PSD2: variants seen among roughly 807,000 people sequenced by gnomAD.
PSD2 encodes the protein PH and SEC7 domain-containing protein 2.
A neutral mutation model predicts 69.8 loss-of-function variants in PSD2; 38 were observed. The ratio of observed to expected loss-of-function variants is 0.54; its 90% confidence interval spans 0.42 to 0.71. The LOEUF (loss-of-function observed/expected upper bound fraction) is 0.71. Ranked by LOEUF, PSD2 falls within the 30% of genes least tolerant of loss-of-function variation. The pLI is 0.00. For synonymous variants in PSD2, 412 were observed against 423.0 expected, an observed-to-expected ratio of 0.97 and a Z score of 0.32; for missense variants, 943 against 1,014.5, an observed-to-expected ratio of 0.93 and a Z score of 0.96.
At chr5:139,786,088 C>T in the PSD2 span, among the ~76,000 whole-genome samples, 1 of 151,568 alleles carries the variant, frequency 6.6e-6, no homozygotes, top group South Asian at 2.1e-4. Flanking sequence ...GACCCTGTCT[C>T]AAAATAAATA....
Position 139,836,604 on chromosome 5 carries a change from A to G in PSD2, c.1404-207A>G, listed in dbSNP as rs111619992. ...GGACAAAAATCAAAGATCAGAGGTCAGAGGTCAGAGGTCAGAAGTGGAGAT... is the reference window on the plus strand; with the variant it reads ...GGACAAAAATCAAAGATCAGAGGTCGGAGGTCAGAGGTCAGAAGTGGAGAT... On this transcript the variant is annotated intron_variant, in intron 9 of 14. Coordinates refer to ENST00000274710, the MANE Select transcript of PSD2 (RefSeq NM_032289.4). Among the ~76,000 whole-genome samples the G allele has an allele frequency of 2.1e-3, 322 of 152,340 alleles. 1 individual carries two copies. Among genetic ancestry groups the G allele is most frequent in the African/African-American group, 7.3e-3 (303 of 41,582 alleles).
chr5:139,813,199 G>A (rs1760016440), intron 2 of PSD2, 110 bp from the exon 3 acceptor site: 2 of 801,416 alleles, frequency 2.5e-6, no homozygotes, highest in African/African-American at 3.4e-5. Flanking sequence ...TGAATAGGAT[G>A]GGGGAGTGGT....
At chr5:139,749,377 A>T in the PSD2 span, among the ~76,000 whole-genome samples, 1 of 152,192 alleles carries the variant, frequency 6.6e-6, no homozygotes, top group Non-Finnish European at 1.5e-5. Flanking sequence ...TCTCAGCTGG[A>T]TGGCAGCTTT....
chr5:139,809,264 C>G, intron 1 of PSD2, 127 bp from the exon 2 acceptor site: 2 of 724,478 alleles, frequency 2.8e-6, no homozygotes, highest in Non-Finnish European at 2.2e-6. Context: ...GGAAGGGCCC[C>G]GAGGAGGTCA....
chr5:139,754,509 C>T, the PSD2 span, among the ~76,000 whole-genome samples: 351 of 149,706 alleles, frequency 2.3e-3, no homozygotes, highest in African/African-American at 8.4e-3. Flanking sequence ...GCCTGGGCAA[C>T]ATGGTGAGAC....
chr5:139,785,517 C>A, the PSD2 span, among the ~76,000 whole-genome samples: 1 of 152,248 alleles, frequency 6.6e-6, no homozygotes, highest in African/African-American at 2.4e-5. Context: ...GGCCACCGTG[C>A]CCGGCCCTCA....
In PSD2 at chr5:139,822,738, C is replaced by CG; in HGVS notation, c.1224dup (p.Leu409AlafsTer35). 6.2e-7 allele frequency: 1 copy of CG among 1,610,670 alleles called. No homozygotes were observed. ...ATCTCTGACTCAGATGGGATCCACA[C>CG]GCTCACCTGTGCCCTGATGCTGCTC... On this transcript the variant is annotated frameshift_variant, in exon 7 of 15. Transcript: ENST00000274710. LOFTEE classifies it high-confidence loss of function.
rs1207756668 is a variant in PSD2, at chr5:139,813,737, A to G, written c.800A>G (p.Asp267Gly). The G allele has an allele frequency of 2.5e-6, 4 of 1,607,292 alleles. No individual in the cohort carries two copies. The South Asian group carries it at 3.3e-5, about 13-fold the overall frequency. The part of the protein sequence containing the change: ...GDEDDDEEDT[D>G]KLLNSASDPS... ...GAGGATGATGATGAGGAGGACACGGACAAGTTGCTGAACTCAGCCAGGTGA... is the reference window on the plus strand; with the variant it reads ...GAGGATGATGATGAGGAGGACACGGGCAAGTTGCTGAACTCAGCCAGGTGA... Residue 267 changes from aspartate to glycine, a missense_variant, in exon 3 of 15, where the codon GAC becomes GGC. Asp to Gly is a moderately conservative substitution (Grantham distance 94). Coordinates refer to ENST00000274710, the MANE Select transcript of PSD2 (RefSeq NM_032289.4).
In PSD2 at chr5:139,833,019, T is replaced by G. The variant is rs77577842; in HGVS notation, c.1270-683T>G. ...CTCAGCTTAGCATGGGGCACTTGTG[T>G]GTCCATGGCAATTGATTTTTGACTC... On this transcript the variant is annotated intron_variant, in intron 7 of 14. Coordinates refer to ENST00000274710, the MANE Select transcript of PSD2 (RefSeq NM_032289.4). Among the ~76,000 whole-genome samples the G allele has an allele frequency of 7.3e-3, 1,106 of 152,236 alleles. 9 individuals carry two copies. Among genetic ancestry groups the G allele is most frequent in the Non-Finnish European group, 0.011 (744 of 68,012 alleles).
At chr5:139,773,029 T>C in the PSD2 span, 1 of 152,216 alleles carries the variant, frequency 6.6e-6, no homozygotes, top group Admixed American at 6.5e-5. Context: ...TATTTTTTTA[T>C]TTACGGTAAA....
At chr5:139,746,164 T>G in the PSD2 span, 2 of 152,116 alleles carry the variant, frequency 1.3e-5, no homozygotes, top group Admixed American at 6.5e-5. The surrounding 1 kb of genome is among the most constrained non-coding windows in gnomAD (Gnocchi z 4.5). Flanking sequence ...CTCCCCATCT[T>G]CCCTCAAAGC....
the PSD2 span, among the ~76,000 whole-genome samples, chr5:139,758,741 G>GT: frequency 6.6e-5 from 10 of 152,194 alleles, no homozygotes; most frequent in Non-Finnish European, 1.5e-4. Flanking sequence ...TCCACGCACA[G>GT]GGAGACAGGC....
At chr5:139,768,394 G>A in the PSD2 span, among the ~76,000 whole-genome samples, 1 of 152,152 alleles carries the variant, frequency 6.6e-6, no homozygotes, top group Admixed American at 6.5e-5. Context: ...CCCACTCACT[G>A]CCCTCTGTTT....
At chr5:139,746,451 G>T in the PSD2 span, among the ~76,000 whole-genome samples, 1 of 152,168 alleles carries the variant, frequency 6.6e-6, no homozygotes, top group Non-Finnish European at 1.5e-5. The surrounding 1 kb of genome is among the most constrained non-coding windows in gnomAD (Gnocchi z 4.5). Context: ...CCTTCTCCCT[G>T]CCGCAGGCTA....
the PSD2 span, among the ~76,000 whole-genome samples, chr5:139,765,699 G>T: frequency 6.6e-6 from 1 of 152,220 alleles, no homozygotes; most frequent in Non-Finnish European, 1.5e-5. Flanking sequence ...AGGGTCGAGG[G>T]GCAGCATCCA....
At position 139,813,707 on chromosome 5, in the gene PSD2, G is replaced by A; in HGVS notation, c.770G>A (p.Gly257Glu). The A allele has an allele frequency of 6.2e-7, 1 of 1,613,394 alleles. No homozygotes were observed. Among genetic ancestry groups the A allele is most frequent in the Non-Finnish European group, 8.5e-7 (1 of 1,179,726 alleles). Residue 257 changes from glycine (G) to glutamate (E), a missense_variant, in exon 3 of 15, where the codon GGG (glycine) becomes GAG (glutamate). Gly to Glu is a moderately conservative substitution (Grantham distance 98). Coordinates refer to ENST00000274710, the MANE Select transcript of PSD2 (RefSeq NM_032289.4). The part of the protein sequence containing the change: ...FHEDGPQGPG[G>E]DEDDDEEDTD... The stretch of plus-strand genomic sequence containing the variant: ...GAAGATGGCCCTCAGGGCCCAGGGG[G>A]GGATGAGGATGATGATGAGGAGGAC...
the PSD2 span, chr5:139,775,139 A>G: frequency 6.6e-6 from 1 of 152,338 alleles, no homozygotes; most frequent in African/African-American, 2.4e-5. Flanking sequence ...CTCCAAGAAG[A>G]ACAGCCAACA....
At chr5:139,809,352 C>T in intron 1 of PSD2, 39 bp from the exon 2 acceptor site, 6 of 1,482,506 alleles carry the variant, frequency 4.0e-6, no homozygotes, top group Non-Finnish European at 4.5e-6. Context: ...CAGCCCCAGT[C>T]CTGTCTGACC....
At chr5:139,754,977 C>T in the PSD2 span, among the ~76,000 whole-genome samples, 1 of 152,116 alleles carries the variant, frequency 6.6e-6, no homozygotes, top group Admixed American at 6.5e-5. Flanking sequence ...GGAGAGGGTC[C>T]GGGCTGCCCC....
Sources: allele counts gnomAD v4.1 joint callset (sites outside exome capture counted in the v4.1 genomes callset), GRCh38; gene constraint gnomAD v4.1.1; non-coding constraint Gnocchi (gnomAD v3.1); transcripts MANE v1.5; gene names NCBI Gene and HGNC (gene_info 2026-07-23, HGNC 2026-07-21).